SH3BGRL2: variants seen among roughly 807,000 people sequenced by gnomAD.
SH3BGRL2 encodes SH3 domain binding glutamate rich protein like 2.
In SH3BGRL2, 21 loss-of-function variants were observed where a neutral mutation model predicts 14.8. That is an observed-to-expected ratio of 1.42 (90% confidence interval 1.01 to 2.05). The LOEUF is 2.05. SH3BGRL2 is among the 30% of genes most tolerant of loss of function. The pLI, the probability that SH3BGRL2 is intolerant of heterozygous loss-of-function variation, is 0.00. For missense variants in SH3BGRL2, 147 were observed against 130.8 expected, an observed-to-expected ratio of 1.12 and a Z score of -0.61; for synonymous variants, 50 against 47.8, an observed-to-expected ratio of 1.05 and a Z score of -0.19.
chr6:79,590,424 GATATATAT>G, the SH3BGRL2 span, among the ~76,000 whole-genome samples: 1,484 of 66,648 alleles, frequency 0.022, 38 homozygotes, highest in African/African-American at 0.034. Flanking sequence ...AAGAAAATGT[GATATATAT>G]ATATATATAT....
chr6:79,570,810 T>C, the SH3BGRL2 span, among the ~76,000 whole-genome samples: 1 of 152,180 alleles, frequency 6.6e-6, no homozygotes, highest in East Asian at 1.9e-4. Context: ...AATTTTCATA[T>C]ATTAGATTCA....
upstream of SH3BGRL2, among the ~76,000 whole-genome samples, chr6:79,628,526 C>A (rs1442825607): frequency 6.6e-6 from 1 of 151,944 alleles, no homozygotes; most frequent in Non-Finnish European, 1.5e-5. Context: ...TATCTGTAGA[C>A]CTTATTTGTC....
At position 79,676,639 on chromosome 6, in the gene SH3BGRL2, GTATATA is replaced by G. The variant is rs370591320; in HGVS notation, c.231+2847_231+2852del. Reference sequence around the variant, plus strand: ...TGTGTGTGTGTGTGTGTGTGTGTGTGTATATATATATAATCTTTTTTGAAAATCTTT... The same window carrying G: ...TGTGTGTGTGTGTGTGTGTGTGTGTGTATATAATCTTTTTTGAAAATCTTT... On this transcript the variant is annotated intron_variant, in intron 2 of 3. Coordinates refer to ENST00000369838, the MANE Select transcript of SH3BGRL2 (RefSeq NM_031469.4). 5.2e-3 allele frequency among the ~76,000 whole-genome samples: 710 copies of G among 137,676 alleles called. 4 individuals carry two copies. Among genetic ancestry groups the G allele is most frequent in the Non-Finnish European group, 8.4e-3 (538 of 63,870 alleles). The allele number at this position is 137,676 out of a possible 152,430, so 90.3% of individuals were successfully genotyped here.
At chr6:79,691,994 T>C (rs1770228022) in intron 2 of SH3BGRL2, among the ~76,000 whole-genome samples, 1 of 152,114 alleles carries the variant, frequency 6.6e-6, no homozygotes, top group Non-Finnish European at 1.5e-5. Flanking sequence ...TGTTCCTATT[T>C]CTCCACATCC....
chr6:79,537,821 TACAA>T, the SH3BGRL2 span, among the ~76,000 whole-genome samples: 41 of 152,150 alleles, frequency 2.7e-4, no homozygotes, highest in Non-Finnish European at 4.0e-4. Context: ...GTAAACAAAT[TACAA>T]ACAAACTGCT....
chr6:79,692,312 T>G (rs1182951065), intron 2 of SH3BGRL2, among the ~76,000 whole-genome samples: 1 of 152,222 alleles, frequency 6.6e-6, no homozygotes, highest in African/African-American at 2.4e-5. Context: ...AGGTTGCCTG[T>G]TCACTCTGAT....
At chr6:79,635,547 A>G (rs1236822021) in intron 1 of SH3BGRL2, among the ~76,000 whole-genome samples, 1 of 152,258 alleles carries the variant, frequency 6.6e-6, no homozygotes, top group African/African-American at 2.4e-5. Context: ...CCCTCATGGC[A>G]TAAATCAGTG....
At chr6:79,628,611 G>T (rs1582707907), upstream of SH3BGRL2, among the ~76,000 whole-genome samples, 1 of 152,156 alleles carries the variant, frequency 6.6e-6, no homozygotes, top group Admixed American at 6.5e-5. Flanking sequence ...ATCCTAGATT[G>T]CATTCTGCTC....
chr6:79,701,137 A>G lies in SH3BGRL2; in HGVS notation c.*1628A>G, dbSNP rs1770447429. On this transcript the variant is annotated 3_prime_UTR_variant, in exon 4 of 4. Coordinates refer to ENST00000369838, the MANE Select transcript of SH3BGRL2 (RefSeq NM_031469.4). ...TCTACTTAACTAGAATGGACACATG[A>G]TCCACAATTTTCTCTTCAAGGGAAG... 1.3e-5 allele frequency: 2 copies of G among 152,152 alleles called. No individual in the cohort carries two copies. The highest frequency in any genetic ancestry group is 4.8e-5 in the African/African-American group (2 of 41,446). The allele number at this position is 152,152 out of a possible 1,614,324, so 9.4% of individuals were successfully genotyped here.
chr6:79,587,360 A>G, the SH3BGRL2 span, among the ~76,000 whole-genome samples: 2 of 152,172 alleles, frequency 1.3e-5, no homozygotes, highest in Non-Finnish European at 2.9e-5. Flanking sequence ...TTAGAATGAC[A>G]GTCCTGAAGC....
At chr6:79,624,532 A>T in the SH3BGRL2 span, among the ~76,000 whole-genome samples, 1 of 151,956 alleles carries the variant, frequency 6.6e-6, no homozygotes, top group South Asian at 2.1e-4. Context: ...CATAATTTCC[A>T]TGAAGGTAGG....
upstream of SH3BGRL2, among the ~76,000 whole-genome samples, chr6:79,630,351 C>T (rs1333487106): frequency 6.6e-6 from 1 of 152,160 alleles, no homozygotes; most frequent in East Asian, 1.9e-4. Context: ...CTGCTAAACT[C>T]CCGTGTTGAA....
At chr6:79,539,195 A>G in the SH3BGRL2 span, among the ~76,000 whole-genome samples, 1 of 152,244 alleles carries the variant, frequency 6.6e-6, no homozygotes, top group African/African-American at 2.4e-5. Context: ...TTACAGAAGT[A>G]AAAACTAGTT....
chr6:79,566,380 G>A, the SH3BGRL2 span, among the ~76,000 whole-genome samples: 1 of 152,080 alleles, frequency 6.6e-6, no homozygotes, highest in Non-Finnish European at 1.5e-5. Flanking sequence ...TTCTCAGGCT[G>A]AGACCCCACT....
chr6:79,590,424 G>GAT, the SH3BGRL2 span, among the ~76,000 whole-genome samples: 6,308 of 65,782 alleles, frequency 0.096, 420 homozygotes, highest in African/African-American at 0.13. Flanking sequence ...AAGAAAATGT[G>GAT]ATATATATAT....
At chr6:79,650,618 T>C in intron 1 of SH3BGRL2, among the ~76,000 whole-genome samples, 1 of 152,068 alleles carries the variant, frequency 6.6e-6, no homozygotes, top group East Asian at 1.9e-4. Context: ...GGTGTCAGGC[T>C]CTTTTTAACA....
At chr6:79,601,158 C>A in the SH3BGRL2 span, among the ~76,000 whole-genome samples, 1 of 152,174 alleles carries the variant, frequency 6.6e-6, no homozygotes, top group Non-Finnish European at 1.5e-5. Context: ...TGTAAAAAGG[C>A]AAGAGGCAAC....
chr6:79,559,078 C>T, the SH3BGRL2 span, among the ~76,000 whole-genome samples: 1 of 151,060 alleles, frequency 6.6e-6, no homozygotes, highest in Non-Finnish European at 1.5e-5. Flanking sequence ...CACAGTGGCT[C>T]ATTCATTCCA....
chr6:79,559,280 A>G, the SH3BGRL2 span, among the ~76,000 whole-genome samples: 1 of 152,236 alleles, frequency 6.6e-6, no homozygotes, highest in South Asian at 2.1e-4. Context: ...CCTGGGCAAC[A>G]TGGTGAGACC....
Sources: gnomAD v4.1 joint callset for allele counts (sites outside exome capture counted in the v4.1 genomes callset) on GRCh38, gnomAD v4.1.1 for gene constraint, MANE v1.5 for transcripts, NCBI Gene and HGNC (gene_info 2026-07-23, HGNC 2026-07-21) for gene names.